TAF11: variants seen among roughly 807,000 people sequenced by gnomAD.
TAF11 encodes transcription initiation factor TFIID subunit 11.
Under a neutral mutation model 23.0 loss-of-function variants are expected in TAF11, and 10 were observed. The ratio of observed to expected loss-of-function variants is 0.43; its 90% CI spans 0.27 to 0.74. TAF11 has a LOEUF of 0.74. Among genes scored for constraint, TAF11 ranks in the 30% least tolerant of loss-of-function variants. The pLI is 0.19. For synonymous variants in TAF11, 85 were observed against 95.8 expected, an observed-to-expected ratio of 0.89 and a Z score of 0.66; for missense variants, 196 against 261.7, an observed-to-expected ratio of 0.75 and a Z score of 1.73.
chr6:34,887,880 C>T lies in TAF11; in HGVS notation c.78G>A (p.Gly26=). The change falls in exon 1 of 5, where the codon GGG becomes GGA. Residue 26 remains glycine, a synonymous_variant. Transcript: ENST00000361288. ...CATCGGTGTCGGTAGCCCCCGGGTC[C>T]CCGGGCACAGCGGCCGTCTCATCCG... ...GESDETAAVP[G]DPGATDTDGI... The T allele has an allele frequency of 1.2e-6, 2 of 1,614,228 alleles. No individual in the cohort carries two copies. Among genetic ancestry groups the T allele is most frequent in the Non-Finnish European group, 1.7e-6 (2 of 1,180,042 alleles).
Position 34,880,249 on chromosome 6 carries a change from TA to T in TAF11, c.408+39del. On this transcript the variant is annotated intron_variant, in intron 3 of 4. Coordinates refer to ENST00000361288, the MANE Select transcript of TAF11 (RefSeq NM_005643.4). The surrounding 1 kb of genome is among the most constrained non-coding windows in gnomAD (Gnocchi z 4.8). Reference sequence around the variant, plus strand: ...TGGACATGGCTCTTGAGTTCAGTTCTAAAACGTGATGGAGATGAAGTGTGGT... The same window carrying T: ...TGGACATGGCTCTTGAGTTCAGTTCTAAACGTGATGGAGATGAAGTGTGGT... 1 of 1,608,358 alleles carries T rather than the reference TA, an allele frequency of 6.2e-7. No individual in the cohort carries two copies. The highest frequency in any genetic ancestry group is 8.5e-7 in the Non-Finnish European group (1 of 1,175,274).
In TAF11 at chr6:34,880,003, T is replaced by TA. The variant is rs1465903744; in HGVS notation, c.468dup (p.Ile157TyrfsTer18). ...ACCTCCCCGACGAAAACCTTGGAAA[T>TA]ACCAGACATAGCAATAACAACATTC... On this transcript the variant is annotated frameshift_variant, in exon 4 of 5. Transcript: ENST00000361288. LOFTEE classifies it high-confidence loss of function. The surrounding 1 kb of genome is among the most constrained non-coding windows in gnomAD (Gnocchi z 4.8). 6.2e-7 allele frequency: 1 copy of TA among 1,613,952 alleles called. No homozygotes were observed. Among genetic ancestry groups the TA allele is most frequent in the African/African-American group, 1.3e-5 (1 of 74,896 alleles).
chr6:34,879,711 A>G (rs1766384280), intron 4 of TAF11: 3 of 985,258 alleles, frequency 3.0e-6, no homozygotes, highest in Non-Finnish European at 3.6e-6. Context: ...TGCAGAAAAT[A>G]CAAAGTCTAC....
At chr6:34,887,686 G>C (rs905621450) in intron 1 of TAF11, 101 bp downstream of exon 1, 24 of 1,412,932 alleles carry the variant, frequency 1.7e-5, no homozygotes, top group East Asian at 2.3e-5. Flanking sequence ...TGGTGAGTTC[G>C]AGTTCTCGTA....
chr6:34,887,819 C>A lies in TAF11; in HGVS notation c.139G>T (p.Asp47Tyr), dbSNP rs1581644426. The change falls in exon 1 of 5, where the codon GAC (aspartate) becomes TAC (tyrosine). Residue 47 changes from aspartate (D) to tyrosine (Y), a missense_variant. Transcript: ENST00000361288. ...TCCTCCGCTGCAGCTTCTTTCAAGT[C>A]CACATCTGCGTCTCCGTCAGTTTCC... The part of the protein sequence containing the change: ...PEETDGDADV[D>Y]LKEAAAEEGE... The A allele has an allele frequency of 1.2e-6, 2 of 1,614,246 alleles. No individual in the cohort carries two copies. Among genetic ancestry groups the A allele is most frequent in the African/African-American group, 2.7e-5 (2 of 75,066 alleles).
intron 1 of TAF11, among the ~76,000 whole-genome samples, chr6:34,885,096 GTTCTTTATC>G (rs998731214): frequency 2.2e-5 from 3 of 137,206 alleles, no homozygotes; most frequent in Non-Finnish European, 4.5e-5. Flanking sequence ...GATTTATTTT[GTTCTTTATC>G]TTTTTTTTCT....
chr6:34,887,195 G>C (rs1766541424), intron 1 of TAF11, among the ~76,000 whole-genome samples: 1 of 152,112 alleles, frequency 6.6e-6, no homozygotes, highest in Admixed American at 6.6e-5. Context: ...CTAGCTACTC[G>C]GGAGGCTGAA....
Position 34,880,352 on chromosome 6 carries a change from C to T in TAF11, c.345G>A (p.Glu115=). The change falls in exon 3 of 5, where the codon GAG becomes GAA. Residue 115 remains glutamate (E), a synonymous_variant. Transcript: ENST00000361288. The surrounding 1 kb of genome is among the most constrained non-coding windows in gnomAD (Gnocchi z 4.8). The stretch of plus-strand genomic sequence containing the variant: ...ACATTTCATAACGGTTCAGCTGCTC[C>T]TCAGAAAAAGAAGAAACCAGGATTC... The part of the protein sequence containing the change: ...KMQILVSSFS[E]EQLNRYEMYR... 1 of 1,613,866 alleles carries T rather than the reference C, an allele frequency of 6.2e-7. No homozygotes were observed. The highest frequency in any genetic ancestry group is 8.5e-7 in the Non-Finnish European group (1 of 1,179,936).
intron 1 of TAF11, among the ~76,000 whole-genome samples, chr6:34,886,380 C>CAA (rs1766524658): frequency 7.4e-6 from 1 of 134,718 alleles, no homozygotes; most frequent in Non-Finnish European, 1.5e-5. Context: ...GACTCGGTCT[C>CAA]AAAACAAAAA....
chr6:34,884,124 T>C (rs953187699), intron 1 of TAF11, among the ~76,000 whole-genome samples: 4 of 152,218 alleles, frequency 2.6e-5, no homozygotes, highest in African/African-American at 9.7e-5. Flanking sequence ...CTTATGTTCA[T>C]TGCAGTGCTA....
At chr6:34,882,809 T>G in intron 2 of TAF11, 123 bp downstream of exon 2, 1 of 1,194,342 alleles carries the variant, frequency 8.4e-7, no homozygotes, top group Non-Finnish European at 1.1e-6. Context: ...CCAGCCATAA[T>G]GTATTAATCG....
intron 1 of TAF11, among the ~76,000 whole-genome samples, chr6:34,886,153 A>G (rs1236809445): frequency 6.7e-6 from 1 of 150,288 alleles, no homozygotes; most frequent in Non-Finnish European, 1.5e-5. Flanking sequence ...CAAAACAAAA[A>G]CTTTAGATGA....
chr6:34,883,205 C>A, intron 1 of TAF11, 125 bp from the exon 2 acceptor site: 4 of 910,650 alleles, frequency 4.4e-6, no homozygotes, highest in East Asian at 5.3e-5. Flanking sequence ...CAGTTCTAGG[C>A]ACTGACTGTA....
At position 34,887,800 on chromosome 6, in the gene TAF11, G is replaced by A; in HGVS notation, c.158C>T (p.Ala53Val). 5 of 1,614,070 alleles carry A rather than the reference G, an allele frequency of 3.1e-6. No individual in the cohort carries two copies. Among genetic ancestry groups the A allele is most frequent in the Non-Finnish European group, 4.2e-6 (5 of 1,180,020 alleles). ...ATCTCTTCCTACCTCGCCTTCCTCC[G>A]CTGCAGCTTCTTTCAAGTCCACATC... The part of the protein sequence containing the change: ...DADVDLKEAA[A>V]EEGELESQDV... Residue 53 changes from alanine to valine, a missense_variant, in exon 1 of 5, where the codon GCG (alanine) becomes GTG (valine). Ala to Val is a moderately conservative substitution (Grantham distance 64). Transcript: ENST00000361288.
At position 34,882,993 on chromosome 6, in the gene TAF11, C is replaced by G; in HGVS notation, c.259G>C (p.Asp87His). ...TTTTTCTCTTTCTTTTCTTTGGTAT[C>G]TATTTTCAGTTTTTTGGCTGCAGGA... ...LNPAAKKLKI[D>H]TKEKKEKKQK... is the part of the protein sequence containing the mutation. Residue 87 changes from aspartate to histidine, a missense_variant, in exon 2 of 5, where the codon GAT becomes CAT. Coordinates refer to ENST00000361288, the MANE Select transcript of TAF11 (RefSeq NM_005643.4). 1 of 1,611,248 alleles carries G rather than the reference C, an allele frequency of 6.2e-7. No homozygotes were observed. The highest frequency in any genetic ancestry group is 8.5e-7 in the Non-Finnish European group (1 of 1,179,192).
At chr6:34,887,078 C>A (rs13219730) in intron 1 of TAF11, among the ~76,000 whole-genome samples, 1 of 151,840 alleles carries the variant, frequency 6.6e-6, no homozygotes, top group Non-Finnish European at 1.5e-5. Context: ...CCGAGGCGGG[C>A]GGATCACGAG....
At position 34,887,871 on chromosome 6, in the gene TAF11, C is replaced by T; in HGVS notation, c.87G>A (p.Gly29=). Residue 29 remains glycine (G), a synonymous_variant, in exon 1 of 5, where the codon GGG becomes GGA. Transcript: ENST00000361288. ...DETAAVPGDP[G]ATDTDGIPEE... Reference sequence around the variant, plus strand: ...CTGGGATTCCATCGGTGTCGGTAGCCCCCGGGTCCCCGGGCACAGCGGCCG... The same window carrying T: ...CTGGGATTCCATCGGTGTCGGTAGCTCCCGGGTCCCCGGGCACAGCGGCCG... 2.5e-6 allele frequency: 4 copies of T among 1,614,210 alleles called. No individual in the cohort carries two copies. Among genetic ancestry groups the T allele is most frequent in the Non-Finnish European group, 3.4e-6 (4 of 1,180,042 alleles).
rs371943575 is a variant in TAF11, at chr6:34,878,336, A to G, written c.*254T>C. 3.0e-5 allele frequency: 13 copies of G among 432,944 alleles called. No individual in the cohort carries two copies. The highest frequency in any genetic ancestry group is 4.6e-5 in the Non-Finnish European group (11 of 239,838). 26.8% of individuals were successfully genotyped at this position (432,944 alleles called of 1,614,324 possible). A position where few individuals can be genotyped will look rare whatever the true frequency, so the allele number is the denominator to read the frequency against. On this transcript the variant is annotated 3_prime_UTR_variant, in exon 5 of 5. Coordinates refer to ENST00000361288, the MANE Select transcript of TAF11 (RefSeq NM_005643.4). ...TCCAGAAGATGCTTATGGCCCACGTATCTTCTTCCAACTGGTCAAGACAGT... is the reference window on the plus strand; with the variant it reads ...TCCAGAAGATGCTTATGGCCCACGTGTCTTCTTCCAACTGGTCAAGACAGT...
rs1419030920 is a variant in TAF11, at chr6:34,877,920, T to A, written c.*670A>T. On this transcript the variant is annotated 3_prime_UTR_variant, in exon 5 of 5. Coordinates refer to ENST00000361288, the MANE Select transcript of TAF11 (RefSeq NM_005643.4). ...TCACAAGTAAAAGTTTCTGGTTGTTTCATCTACTTAAAACCAGATATAAGA... is the reference window on the plus strand; with the variant it reads ...TCACAAGTAAAAGTTTCTGGTTGTTACATCTACTTAAAACCAGATATAAGA... 2 of 152,216 alleles carry A rather than the reference T, an allele frequency of 1.3e-5. No homozygotes were observed. The highest frequency in any genetic ancestry group is 2.9e-5 in the Non-Finnish European group (2 of 68,028). 9.4% of individuals were successfully genotyped at this position (152,216 alleles called of 1,614,324 possible).
Sources: allele counts gnomAD v4.1 joint callset (sites outside exome capture counted in the v4.1 genomes callset), GRCh38; gene constraint gnomAD v4.1.1; non-coding constraint Gnocchi (gnomAD v3.1); transcripts MANE v1.5; gene names NCBI Gene and HGNC (gene_info 2026-07-23, HGNC 2026-07-21).